KCNK2: variants seen among roughly 807,000 people sequenced by gnomAD.
KCNK2 encodes the protein potassium channel subfamily K member 2.
KCNK2 carries 21 observed loss-of-function variants against 40.5 expected under a neutral mutation model. That is an observed-to-expected ratio of 0.52 (90% CI 0.37 to 0.75). KCNK2 has a LOEUF of 0.75. KCNK2 is among the 30% of genes least tolerant of loss of function. KCNK2 has a pLI of 0.00. For synonymous variants in KCNK2, 191 were observed against 202.2 expected, an observed-to-expected ratio of 0.94 and a Z score of 0.47; for missense variants, 399 against 531.6, an observed-to-expected ratio of 0.75 and a Z score of 2.45.
chr1:215,168,999 T>C (rs570234694), intron 3 of KCNK2, among the ~76,000 whole-genome samples, 200 bp from the exon 4 acceptor site: 1 of 152,274 alleles, frequency 6.6e-6, no homozygotes, highest in Non-Finnish European at 1.5e-5. Flanking sequence ...TTAACTATAC[T>C]TTGTATATTT....
intron 1 of KCNK2, among the ~76,000 whole-genome samples, chr1:215,052,141 A>G (rs567901877): frequency 6.6e-6 from 1 of 152,300 alleles, no homozygotes; most frequent in South Asian, 2.1e-4. Context: ...AAGTAATATA[A>G]TTTCAAATAG....
Position 215,086,678 on chromosome 1 carries a change from G to A in KCNK2, c.357G>A (p.Gln119=). 3 of 1,611,730 alleles carry A rather than the reference G, an allele frequency of 1.9e-6. No homozygotes were observed. Among genetic ancestry groups the A allele is most frequent in the Non-Finnish European group, 2.5e-6 (3 of 1,178,214 alleles). ...VNSTELDELI[Q]QIVAAINAGI... is the part of the protein sequence containing the mutation. ...CGACGGAGCTGGATGAACTCATTCA[G>A]GTAATGGCATGGGAGGAGTTGTTAC... is the stretch of plus-strand genomic sequence containing the variant. The change falls in exon 2 of 7, where the codon CAG becomes CAA. Residue 119 remains glutamine, a splice_region_variant and synonymous_variant. Transcript: ENST00000444842.
At chr1:215,019,359 G>GA (rs948324482) in intron 1 of KCNK2, among the ~76,000 whole-genome samples, 9 of 152,204 alleles carry the variant, frequency 5.9e-5, no homozygotes, top group African/African-American at 1.2e-4. Context: ...CACATATAAA[G>GA]AAAAAAACCT....
At chr1:215,171,235 A>G (rs367755628) in intron 4 of KCNK2, among the ~76,000 whole-genome samples, 2 of 152,284 alleles carry the variant, frequency 1.3e-5, no homozygotes, top group African/African-American at 4.8e-5. Flanking sequence ...CATTTAATGC[A>G]TTACACTATA....
intron 6 of KCNK2, 148 bp downstream of exon 6, chr1:215,195,240 T>C (rs1664816224): frequency 1.7e-6 from 1 of 580,846 alleles, no homozygotes; most frequent in Non-Finnish European, 2.7e-6. Flanking sequence ...TATTAGGCTA[T>C]GAGCAAATAT....
chr1:215,006,882 A>T (rs2102466364), intron 1 of KCNK2, among the ~76,000 whole-genome samples: 1 of 150,654 alleles, frequency 6.6e-6, no homozygotes, highest in African/African-American at 2.4e-5. Flanking sequence ...TCCATAAGGA[A>T]TTTCCTCAAA....
chr1:215,049,879 A>G (rs956372556), intron 1 of KCNK2, among the ~76,000 whole-genome samples: 3 of 152,094 alleles, frequency 2.0e-5, no homozygotes, highest in African/African-American at 7.2e-5. Context: ...TCCTTCCATC[A>G]ATATCACCTT....
chr1:215,038,762 A>G (rs1657467738), intron 1 of KCNK2, among the ~76,000 whole-genome samples: 1 of 152,062 alleles, frequency 6.6e-6, no homozygotes, highest in Non-Finnish European at 1.5e-5. Context: ...TCTCAATTCG[A>G]TCCTTCTTTA....
intron 1 of KCNK2, among the ~76,000 whole-genome samples, chr1:215,067,147 G>A (rs990347875): frequency 1.3e-5 from 2 of 152,068 alleles, no homozygotes; most frequent in Non-Finnish European, 2.9e-5. Context: ...AAGCAAGTCC[G>A]CCAACTGTTA....
At position 215,083,194 on chromosome 1, in the gene KCNK2, T is replaced by TGCCCCCCCCCCC; in HGVS notation, c.-192_-191insGCCCCCCCCCCC. 2 of 501,814 alleles carry TGCCCCCCCCCCC rather than the reference T, an allele frequency of 4.0e-6. No individual in the cohort carries two copies. Among genetic ancestry groups the TGCCCCCCCCCCC allele is most frequent in the Admixed American group, 3.4e-5 (1 of 29,534 alleles). 31.1% of individuals were successfully genotyped at this position (501,814 alleles called of 1,614,324 possible). On this transcript the variant is annotated 5_prime_UTR_variant, in exon 1 of 7. Transcript: ENST00000444842. ...CCCGCGATTTCGTTTCTTCTCACGC[T>TGCCCCCCCCCCC]CCCCCCCCCGCCCCCTCCCGCGTCC...
At chr1:215,155,988 T>C (rs1211204979) in intron 3 of KCNK2, among the ~76,000 whole-genome samples, 1 of 152,124 alleles carries the variant, frequency 6.6e-6, no homozygotes, top group East Asian at 1.9e-4. Flanking sequence ...GAAGTACTCA[T>C]GCAAAGTTCT....
intron 3 of KCNK2, among the ~76,000 whole-genome samples, chr1:215,128,212 G>T (rs1471017944): frequency 1.3e-5 from 2 of 152,168 alleles, no homozygotes; most frequent in South Asian, 2.1e-4. Flanking sequence ...TTAGGAATTT[G>T]CTGGGTGAAG....
At chr1:215,217,069 A>C (rs1665993277) in intron 6 of KCNK2, among the ~76,000 whole-genome samples, 3 of 152,228 alleles carry the variant, frequency 2.0e-5, no homozygotes, top group Non-Finnish European at 4.4e-5. Flanking sequence ...GTATCAATAC[A>C]CATTACTTAT....
chr1:215,048,535 C>T (rs1657868204), intron 1 of KCNK2, among the ~76,000 whole-genome samples: 1 of 152,162 alleles, frequency 6.6e-6, no homozygotes, highest in South Asian at 2.1e-4. Context: ...CATACAACAA[C>T]AACAAATAAA....
chr1:215,032,547 C>G (rs1416566037), intron 1 of KCNK2, among the ~76,000 whole-genome samples: 1 of 152,060 alleles, frequency 6.6e-6, no homozygotes, highest in African/African-American at 2.4e-5. Context: ...TAAAATACTT[C>G]TTTTAACACT....
intron 1 of KCNK2, among the ~76,000 whole-genome samples, chr1:215,046,476 G>C (rs1170083641): frequency 6.6e-6 from 1 of 151,960 alleles, no homozygotes; most frequent in Non-Finnish European, 1.5e-5. Context: ...TTCATTTTCT[G>C]ATATAAAATA....
chr1:215,191,258 T>G (rs1664652683), intron 5 of KCNK2, among the ~76,000 whole-genome samples: 1 of 148,544 alleles, frequency 6.7e-6, no homozygotes, highest in Non-Finnish European at 1.5e-5. Context: ...CACTCTTGCC[T>G]GGGTGACAGA....
chr1:215,097,387 CTCTT>C (rs776204063), intron 2 of KCNK2, among the ~76,000 whole-genome samples: 1 of 151,556 alleles, frequency 6.6e-6, no homozygotes, highest in Non-Finnish European at 1.5e-5. Context: ...CTCTTCCCCT[CTCTT>C]TCTCTTCCCT....
intron 6 of KCNK2, among the ~76,000 whole-genome samples, chr1:215,211,634 T>G (rs766732653): frequency 2.0e-5 from 3 of 152,178 alleles, no homozygotes; most frequent in Admixed American, 6.5e-5. Flanking sequence ...ACATGCTGCT[T>G]AGCATATAAC....
Sources: gnomAD v4.1 joint callset for allele counts (sites outside exome capture counted in the v4.1 genomes callset) on GRCh38, gnomAD v4.1.1 for gene constraint, MANE v1.5 for transcripts, NCBI Gene and HGNC (gene_info 2026-07-23, HGNC 2026-07-21) for gene names.